The following ERI1 variants were observed in gnomAD, a reference collection of about 807,000 sequenced individuals.
ERI1 encodes the protein 3'-5' exoribonuclease 1.
A neutral mutation model predicts 39.7 loss-of-function variants in ERI1; 39 were observed. That is an observed-to-expected ratio of 0.98 (90% CI 0.76 to 1.28). The LOEUF is 1.28. Among genes scored for constraint, ERI1 ranks in the 50% most tolerant of loss-of-function variants. The pLI is 0.00. For missense variants in ERI1, 581 were observed against 416.9 expected (o/e 1.39, Z -3.43); for synonymous variants, 204 against 149.6 (o/e 1.36, Z -2.65).
At chr8:9,072,356 T>G (rs1006382499) in intron 3 of ERI1, 4 of 152,216 alleles carry the variant, frequency 2.6e-5, no homozygotes, top group African/African-American at 4.8e-5. Context: ...TTCACTCATT[T>G]GAAGTGGACA....
rs112318301 is a variant in ERI1 at position 9,051,515 on chromosome 8, G to C, written n.299+31051G>C. Among the ~76,000 whole-genome samples, 263 of 152,084 alleles carry C rather than the reference G, an allele frequency of 1.7e-3. 3 individuals carry two copies. The highest frequency in any genetic ancestry group is 6.1e-3 in the African/African-American group (251 of 41,460). The stretch of plus-strand genomic sequence containing the variant: ...CTACTAAAAATACAAAAATAAGCAG[G>C]GCATGGTAGCATGCACCTGTAGTTC... On this transcript the variant is annotated intron_variant and non_coding_transcript_variant, in intron 3 of 3. Transcript: ENST00000518663.
chr8:9,042,671 T>C (rs1798062480), intron 3 of ERI1, among the ~76,000 whole-genome samples: 1 of 152,128 alleles, frequency 6.6e-6, no homozygotes, highest in Admixed American at 6.5e-5. Flanking sequence ...TGGAGGGAAG[T>C]GTTATGCTTT....
chr8:9,056,228 A>G (rs545440230), intron 3 of ERI1, among the ~76,000 whole-genome samples: 6 of 152,198 alleles, frequency 3.9e-5, no homozygotes, highest in Non-Finnish European at 8.8e-5. Flanking sequence ...GTCTCTGCGG[A>G]TTTGGGATCA....
At chr8:9,062,989 G>C (rs1446565625) in intron 3 of ERI1, among the ~76,000 whole-genome samples, 1 of 152,128 alleles carries the variant, frequency 6.6e-6, no homozygotes, top group Non-Finnish European at 1.5e-5. Flanking sequence ...TGTGGCTGGG[G>C]TTTGTCTCAC....
chr8:9,071,593 G>C (rs1027942910), intron 3 of ERI1, among the ~76,000 whole-genome samples: 2 of 152,180 alleles, frequency 1.3e-5, no homozygotes, highest in Admixed American at 1.3e-4. Flanking sequence ...CAGATAGGAC[G>C]GGATAATTGA....
chr8:9,018,596 A>T (rs1478855737), intron 5 of ERI1, among the ~76,000 whole-genome samples, 190 bp downstream of exon 5: 1 of 152,208 alleles, frequency 6.6e-6, no homozygotes, highest in Non-Finnish European at 1.5e-5. Context: ...AGTCCAATAC[A>T]GGACTAGAAC....
rs1194885904 is a variant in ERI1, at chr8:9,003,044, C to T, written c.-20C>T. 9.7e-6 allele frequency: 12 copies of T among 1,238,774 alleles called. No homozygotes were observed. The highest frequency in any genetic ancestry group is 1.1e-5 in the Non-Finnish European group (11 of 980,514). The allele number at this position is 1,238,774 out of a possible 1,614,324, so 76.7% of individuals were successfully genotyped here. A position where few individuals can be genotyped will look rare whatever the true frequency, so the allele number is the denominator to read the frequency against. Reference sequence around the variant, plus strand: ...GCAAGTGTCCGGCTCCAGCAACTCTCCTCTGGCGTGACAGCCGGCATGGAG... The same window carrying T: ...GCAAGTGTCCGGCTCCAGCAACTCTTCTCTGGCGTGACAGCCGGCATGGAG... On this transcript the variant is annotated 5_prime_UTR_variant, in exon 1 of 7. Transcript: ENST00000250263.
intron 6 of ERI1, among the ~76,000 whole-genome samples, chr8:9,024,407 C>CTTTTCTTTTCTTTTCTTTTCTTTTCTTT (rs1554519008): frequency 3.3e-5 from 5 of 151,166 alleles, no homozygotes; most frequent in African/African-American, 1.2e-4. Context: ...CTTCTTTTTT[C>CTTTTCTTTTCTTTTCTTTTCTTTTCTTT]TCTTTTCTTT....
At position 9,004,485 on chromosome 8, in the gene ERI1, C is replaced by CTTTTTTTTTT. The variant is rs71201904; in HGVS notation, c.108+1331_108+1340dup. Among the ~76,000 whole-genome samples, 65 of 78,298 alleles carry CTTTTTTTTTT rather than the reference C, an allele frequency of 8.3e-4. 1 individual carries two copies. The highest frequency in any genetic ancestry group is 3.1e-3 in the African/African-American group (63 of 20,054). 51.4% of individuals were successfully genotyped at this position (78,298 alleles called of 152,430 possible). A position where few individuals can be genotyped will look rare whatever the true frequency, so the allele number is the denominator to read the frequency against. The stretch of plus-strand genomic sequence containing the variant: ...CTGTTGCATGCTCTTTATAGTGATA[C>CTTTTTTTTTT]TTTTTTTTTTTTTTTTTTTTTTTTT... On this transcript the variant is annotated intron_variant, in intron 1 of 6. Transcript: ENST00000250263.
At chr8:9,079,962 T>A (rs1799320377) in intron 3 of ERI1, among the ~76,000 whole-genome samples, 1 of 148,524 alleles carries the variant, frequency 6.7e-6, no homozygotes, top group African/African-American at 2.5e-5. Flanking sequence ...TAAGCCACTA[T>A]GCTTGGCCCA....
At chr8:9,083,656 G>A (rs1002746575) in intron 3 of ERI1, among the ~76,000 whole-genome samples, 2 of 151,818 alleles carry the variant, frequency 1.3e-5, no homozygotes, top group African/African-American at 4.8e-5. Flanking sequence ...AAGCGGGGGG[G>A]AAGAATACTG....
chr8:9,057,834 T>A (rs1051383797), intron 3 of ERI1, among the ~76,000 whole-genome samples: 1 of 152,138 alleles, frequency 6.6e-6, no homozygotes, highest in Non-Finnish European at 1.5e-5. Flanking sequence ...TGAGAGAGCC[T>A]TGGGAGCTGC....
intron 3 of ERI1, among the ~76,000 whole-genome samples, chr8:9,072,080 G>T (rs576004235): frequency 5.9e-5 from 9 of 152,164 alleles, no homozygotes; most frequent in African/African-American, 1.9e-4. Context: ...GTACACACAC[G>T]CAAAAATGAC....
At chr8:9,005,699 G>C (rs1057439551) in intron 1 of ERI1, among the ~76,000 whole-genome samples, 2 of 150,498 alleles carry the variant, frequency 1.3e-5, no homozygotes, top group African/African-American at 5.0e-5. Flanking sequence ...GTAGAGACGG[G>C]GTTTCACCGT....
rs1407286740 is a variant in ERI1, at chr8:9,032,583, A to T, written c.*2549A>T. 6.6e-6 allele frequency: 1 copy of T among 152,218 alleles called. No homozygotes were observed. Among genetic ancestry groups the T allele is most frequent in the African/African-American group, 2.4e-5 (1 of 41,448 alleles). 9.4% of individuals were successfully genotyped at this position (152,218 alleles called of 1,614,324 possible). The stretch of plus-strand genomic sequence containing the variant: ...TCTGCCTGGATTGAAACAAAAAAAC[A>T]CAGGCGTCACAAGCATGTTACCTAT... On this transcript the variant is annotated 3_prime_UTR_variant, in exon 7 of 7. Transcript: ENST00000250263.
intron 6 of ERI1, among the ~76,000 whole-genome samples, chr8:9,028,534 A>G (rs1005116381): frequency 1.3e-4 from 20 of 152,274 alleles, no homozygotes; most frequent in Non-Finnish European, 4.4e-5. Flanking sequence ...GAAGAAGCTG[A>G]GGTCCAAGAT....
Position 9,024,728 on chromosome 8 carries a change from TTA to T in ERI1, c.807+4266_807+4267del, listed in dbSNP as rs1203552007. Among the ~76,000 whole-genome samples the T allele has an allele frequency of 7.9e-5, 12 of 152,246 alleles. No homozygotes were observed. In the East Asian group the frequency reaches 2.1e-3, roughly 27 times the overall value. On this transcript the variant is annotated intron_variant, in intron 6 of 6. Transcript: ENST00000250263. Reference sequence around the variant, plus strand: ...GCATGAGCCACCAGGCCCAGCCTCTTTATGTTTTTATAGGCCTATGTATATGC... The same window carrying T: ...GCATGAGCCACCAGGCCCAGCCTCTTTGTTTTTATAGGCCTATGTATATGC...
At chr8:9,017,990 C>G (rs1030745747) in intron 4 of ERI1, among the ~76,000 whole-genome samples, 30 of 152,276 alleles carry the variant, frequency 2.0e-4, no homozygotes, top group Middle Eastern at 3.4e-3. Flanking sequence ...TCTCTTTTCC[C>G]TCCTCTAGAA....
chr8:9,092,867 G>T lies in ERI1; in HGVS notation n.300-23481G>T, dbSNP rs184592449. On this transcript the variant is annotated intron_variant and non_coding_transcript_variant, in intron 3 of 3. Transcript: ENST00000518663. ...TGGAGACTGGAAGTCTGAGACCAAGGTTTCGGCAGGGTTGGTTCCTTCTGA... is the reference window on the plus strand; with the variant it reads ...TGGAGACTGGAAGTCTGAGACCAAGTTTTCGGCAGGGTTGGTTCCTTCTGA... Among the ~76,000 whole-genome samples, 432 of 152,342 alleles carry T rather than the reference G, an allele frequency of 2.8e-3. 18 individuals are homozygous for T. The highest frequency in any genetic ancestry group is 0.026 in the Admixed American group (392 of 15,308).
Sources: gnomAD v4.1 joint callset for allele counts (sites outside exome capture counted in the v4.1 genomes callset) on GRCh38, gnomAD v4.1.1 for gene constraint, MANE v1.5 for transcripts, NCBI Gene and HGNC (gene_info 2026-07-23, HGNC 2026-07-21) for gene names.